Variants in SPCS3 observed in about 807,000 individuals in gnomAD.
The protein encoded by SPCS3 is signal peptidase complex subunit 3.
In SPCS3, 9 loss-of-function variants were observed where a neutral mutation model predicts 17.2. That is an observed-to-expected ratio of 0.52 (90% CI 0.31 to 0.91). SPCS3 has a LOEUF of 0.91. SPCS3 is among the 40% of genes least tolerant of loss of function. SPCS3 has a pLI of 0.04. For synonymous variants in SPCS3, 87 were observed against 89.6 expected (o/e 0.97, Z 0.16); for missense variants, 139 against 217.5 (o/e 0.64, Z 2.27).
chr4:176,325,297 G>A (rs1308345005), intron 3 of SPCS3, among the ~76,000 whole-genome samples: 9 of 151,710 alleles, frequency 5.9e-5, no homozygotes, highest in Non-Finnish European at 7.4e-5. Context: ...CAGGTCATCC[G>A]CATGCCTCGT....
At chr4:176,324,049 G>A in intron 2 of SPCS3, 132 bp from the exon 3 acceptor site, 1 of 416,928 alleles carries the variant, frequency 2.4e-6, no homozygotes, top group East Asian at 7.4e-5. Context: ...TAAATTAGTG[G>A]CACATTATGT....
intron 3 of SPCS3, among the ~76,000 whole-genome samples, chr4:176,326,399 T>C (rs1017405351): frequency 1.3e-5 from 2 of 152,220 alleles, no homozygotes; most frequent in African/African-American, 4.8e-5. Flanking sequence ...AGATGCTAAC[T>C]TAATAAGAGC....
chr4:176,320,404 C>T (rs1449925217), intron 1 of SPCS3, 185 bp downstream of exon 1: 1 of 370,314 alleles, frequency 2.7e-6, no homozygotes, highest in African/African-American at 2.1e-5. Flanking sequence ...TTTCCGGCGT[C>T]CCCTCGGAAC....
intron 1 of SPCS3, chr4:176,320,543 A>C (rs977795319): frequency 3.0e-5 from 5 of 164,696 alleles, no homozygotes; most frequent in African/African-American, 1.2e-4. Context: ...ATGAGGGAGC[A>C]ACACAACAGC....
chr4:176,320,465 G>C (rs1731520437), intron 1 of SPCS3: 1 of 256,390 alleles, frequency 3.9e-6, no homozygotes, highest in Non-Finnish European at 7.2e-6. Context: ...TTTTAATTTT[G>C]AGCGTTCCTC....
At chr4:176,320,510 T>G in intron 1 of SPCS3, 5 of 181,232 alleles carry the variant, frequency 2.8e-5, no homozygotes, top group East Asian at 2.8e-4. Context: ...TGTTCCTCAC[T>G]TCCCTCCACC....
At chr4:176,320,499 C>T (rs775827730) in intron 1 of SPCS3, 14 of 201,374 alleles carry the variant, frequency 7.0e-5, no homozygotes, top group Non-Finnish European at 1.3e-4. Flanking sequence ...CGCTTGCTTC[C>T]TGTTCCTCAC....
intron 1 of SPCS3, chr4:176,320,476 A>T (rs1176418855): frequency 8.6e-6 from 2 of 231,616 alleles, no homozygotes; most frequent in Non-Finnish European, 1.6e-5. Flanking sequence ...AGCGTTCCTC[A>T]GGTCGGTGCC....
intron 1 of SPCS3, chr4:176,320,533 A>C: frequency 2.4e-5 from 4 of 167,170 alleles, no homozygotes; most frequent in Admixed American, 6.4e-5. Context: ...CGCCTGGCCA[A>C]TGAGGGAGCA....
rs1233219033 is a variant in SPCS3 at position 176,330,815 on chromosome 4, T to A, written c.*2485T>A. 6.6e-6 allele frequency: 1 copy of A among 152,200 alleles called. No homozygotes were observed. Among genetic ancestry groups the A allele is most frequent in the African/African-American group, 2.4e-5 (1 of 41,450 alleles). 9.4% of individuals were successfully genotyped at this position (152,200 alleles called of 1,614,324 possible). A position where few individuals can be genotyped will look rare whatever the true frequency, so the allele number is the denominator to read the frequency against. On this transcript the variant is annotated 3_prime_UTR_variant, in exon 5 of 5. Coordinates refer to ENST00000503362, the MANE Select transcript of SPCS3 (RefSeq NM_021928.4). Reference sequence around the variant, plus strand: ...AAATGATTCTGAGAAAAGAGAATAATTTGAAGACACTTATTTAAAAGTAAT... The same window carrying A: ...AAATGATTCTGAGAAAAGAGAATAAATTGAAGACACTTATTTAAAAGTAAT...
intron 3 of SPCS3, among the ~76,000 whole-genome samples, chr4:176,326,405 A>T (rs1731608321): frequency 6.6e-6 from 1 of 152,226 alleles, no homozygotes; most frequent in African/African-American, 2.4e-5. Context: ...TAACTTAATA[A>T]GAGCAAATTC....
At chr4:176,322,142 A>T in intron 1 of SPCS3, 28 bp from the exon 2 acceptor site, 1 of 1,426,602 alleles carries the variant, frequency 7.0e-7, no homozygotes. Context: ...TGTTGGAAGG[A>T]TGGTAAAACT....
intron 3 of SPCS3, among the ~76,000 whole-genome samples, chr4:176,324,959 A>G (rs1008628309): frequency 9.9e-5 from 15 of 152,170 alleles, no homozygotes; most frequent in African/African-American, 3.6e-4. Context: ...TAACAATAGT[A>G]AGATCAGAAA....
Position 176,329,685 on chromosome 4 carries a change from T to C in SPCS3, c.*1355T>C, listed in dbSNP as rs1253054751. 1 of 152,158 alleles carries C rather than the reference T, an allele frequency of 6.6e-6. No homozygotes were observed. The highest frequency in any genetic ancestry group is 1.5e-5 in the Non-Finnish European group (1 of 68,008). 9.4% of individuals were successfully genotyped at this position (152,158 alleles called of 1,614,324 possible). On this transcript the variant is annotated 3_prime_UTR_variant, in exon 5 of 5. Transcript: ENST00000503362. ...ATACATGATTGAATACATGATCGTA[T>C]TTAACATGTTTTTTTTTTCTGCAGT... is the stretch of plus-strand genomic sequence containing the variant.
At chr4:176,327,339 T>C in intron 4 of SPCS3, 62 bp downstream of exon 4, 1 of 1,051,122 alleles carries the variant, frequency 9.5e-7, no homozygotes, top group South Asian at 1.9e-5. Flanking sequence ...GAAAGATGTA[T>C]TTTTATTTTA....
chr4:176,320,274 C>G (rs1731517574), intron 1 of SPCS3, 55 bp downstream of exon 1: 19 of 1,328,812 alleles, frequency 1.4e-5, no homozygotes, highest in Non-Finnish European at 1.8e-5. Context: ...GGGGCGGAAG[C>G]CGAAGCCGGG....
Position 176,328,363 on chromosome 4 carries a change from A to G in SPCS3, c.*33A>G. The G allele has an allele frequency of 1.3e-6, 2 of 1,524,572 alleles. No homozygotes were observed. Among genetic ancestry groups the G allele is most frequent in the Non-Finnish European group, 1.8e-6 (2 of 1,126,672 alleles). 94.4% of individuals were successfully genotyped at this position (1,524,572 alleles called of 1,614,324 possible). A position where few individuals can be genotyped will look rare whatever the true frequency, so the allele number is the denominator to read the frequency against. On this transcript the variant is annotated 3_prime_UTR_variant, in exon 5 of 5. Coordinates refer to ENST00000503362, the MANE Select transcript of SPCS3 (RefSeq NM_021928.4). ...TGAATTTGAAACAACATATTTTTAT[A>G]CTTAATGAATTGTATCTCATTAATC...
At chr4:176,325,356 T>C (rs1731592689) in intron 3 of SPCS3, among the ~76,000 whole-genome samples, 1 of 151,980 alleles carries the variant, frequency 6.6e-6, no homozygotes. Flanking sequence ...GCCCGGCCGT[T>C]GTTTACTCTT....
At position 176,332,054 on chromosome 4, in the gene SPCS3, C is replaced by CT. The variant is rs67194984; in HGVS notation, c.*3733dup. 5.0e-3 allele frequency: 760 copies of CT among 151,196 alleles called. 1 individual carries two copies. Among genetic ancestry groups the CT allele is most frequent in the African/African-American group, 0.017 (687 of 41,146 alleles). The allele number at this position is 151,196 out of a possible 1,614,324, so 9.4% of individuals were successfully genotyped here. On this transcript the variant is annotated 3_prime_UTR_variant, in exon 5 of 5. Coordinates refer to ENST00000503362, the MANE Select transcript of SPCS3 (RefSeq NM_021928.4). ...AGAAACCAAGTCTAGTAGGTTTTTT[C>CT]TTTTTTTTTGTGGGGGTGGGATGGG... is the stretch of plus-strand genomic sequence containing the variant.
Sources: gnomAD v4.1 joint callset for allele counts (sites outside exome capture counted in the v4.1 genomes callset) on GRCh38, gnomAD v4.1.1 for gene constraint, MANE v1.5 for transcripts, NCBI Gene and HGNC (gene_info 2026-07-23, HGNC 2026-07-21) for gene names.